Variants in PRDM15 observed in about 807,000 individuals in gnomAD.
PRDM15 encodes PR/SET domain 15.
A neutral mutation model predicts 128.6 loss-of-function variants in PRDM15; 64 were observed. The observed-to-expected ratio is 0.50, with a 90% CI of 0.41 to 0.61. The LOEUF is 0.61. PRDM15 is among the 20% of genes least tolerant of loss of function. The pLI is 0.00. For missense variants in PRDM15, 1,242 were observed against 1,569.1 expected, an observed-to-expected ratio of 0.79 and a Z score of 3.52; for synonymous variants, 615 against 621.8, an observed-to-expected ratio of 0.99 and a Z score of 0.16.
At chr21:41,807,142 G>A (rs532981689) in intron 21 of PRDM15, among the ~76,000 whole-genome samples, 3 of 152,152 alleles carry the variant, frequency 2.0e-5, no homozygotes, top group South Asian at 2.1e-4. Context: ...GAAAGCTGAC[G>A]CCATCAAAGA....
intron 13 of PRDM15, 21 bp downstream of exon 13, chr21:41,825,939 G>A (rs368823310): frequency 4.5e-5 from 71 of 1,570,166 alleles, no homozygotes; most frequent in African/African-American, 5.4e-5. Context: ...CTCAGCGTCC[G>A]ACGTGGACTG....
At chr21:41,819,199 T>C (rs1367107074) in intron 18 of PRDM15, among the ~76,000 whole-genome samples, 2 of 152,252 alleles carry the variant, frequency 1.3e-5, no homozygotes, top group Non-Finnish European at 2.9e-5. Context: ...CTGAAGCCTA[T>C]GGGCTTCCAG....
At position 41,810,947 on chromosome 21, in the gene PRDM15, G is replaced by A; in HGVS notation, c.2393-111C>T. On this transcript the variant is annotated intron_variant, in intron 19 of 23. Coordinates refer to ENST00000398548, the MANE Select transcript of PRDM15 (RefSeq NM_001040424.3). The surrounding 1 kb of genome is among the most constrained non-coding windows in gnomAD (Gnocchi z 6.4). ...AGGCACTGTAGGGCCTTCAGGAGAA[G>A]GTGAATTGCAAGAAGACAGCAGACA... 1 of 874,998 alleles carries A rather than the reference G, an allele frequency of 1.1e-6. No homozygotes were observed. Among genetic ancestry groups the A allele is most frequent in the Non-Finnish European group, 1.9e-6 (1 of 536,032 alleles). The allele number at this position is 874,998 out of a possible 1,614,324, so 54.2% of individuals were successfully genotyped here. A position where few individuals can be genotyped will look rare whatever the true frequency, so the allele number is the denominator to read the frequency against.
At chr21:41,856,350 T>C (rs891784291) in intron 4 of PRDM15, among the ~76,000 whole-genome samples, 1 of 147,066 alleles carries the variant, frequency 6.8e-6, no homozygotes, top group Non-Finnish European at 1.5e-5. Context: ...TCCCCCCTTT[T>C]TGCTGAAATC....
chr21:41,823,119 C>G (rs1055850863), intron 14 of PRDM15, 199 bp downstream of exon 14: 1 of 678,942 alleles, frequency 1.5e-6, no homozygotes, highest in African/African-American at 1.8e-5. Flanking sequence ...GAGAAGGCGC[C>G]GTCTACGAAC....
At chr21:41,802,988 C>G (rs2061457502) in intron 22 of PRDM15, 67 bp from the exon 23 acceptor site, 1 of 1,240,818 alleles carries the variant, frequency 8.1e-7, no homozygotes, top group East Asian at 2.3e-5. Flanking sequence ...GCCAGGGCAG[C>G]CCCAGCACTG....
At chr21:41,852,574 T>C (rs2063463032) in intron 5 of PRDM15, among the ~76,000 whole-genome samples, 1 of 152,260 alleles carries the variant, frequency 6.6e-6, no homozygotes, top group Non-Finnish European at 1.5e-5. Context: ...AAGTTCTTTT[T>C]GTCCTTTTCA....
intron 6 of PRDM15, among the ~76,000 whole-genome samples, chr21:41,846,058 A>G (rs1438190900): frequency 6.6e-6 from 1 of 152,182 alleles, no homozygotes; most frequent in Admixed American, 6.5e-5. Flanking sequence ...CATTAAAGCC[A>G]AGATGAGTAG....
Position 41,838,029 on chromosome 21 carries a change from C to T in PRDM15, c.906G>A (p.Pro302=), listed in dbSNP as rs76107411. The T allele has an allele frequency of 0.033, 52,938 of 1,614,038 alleles. 1,023 individuals carry two copies. Among genetic ancestry groups the T allele is most frequent in the African/African-American group, 0.067 (5,039 of 75,028 alleles). ...QVAEIITEVP[P]DEPVSATPDE... is the part of the protein sequence containing the mutation. ...CTGGCGTTGCACTCACAGGCTCATC[C>T]GGAGGGACCTCGGTAATGATCTCTG... The change falls in exon 8 of 24, where the codon CCG becomes CCA. Residue 302 remains proline, a synonymous_variant. Transcript: ENST00000398548.
chr21:41,803,042 C>T, intron 22 of PRDM15, 121 bp from the exon 23 acceptor site: 1 of 756,234 alleles, frequency 1.3e-6, no homozygotes, highest in Non-Finnish European at 2.3e-6. Context: ...TGTGGGCCAC[C>T]GAGCTGCCAC....
At chr21:41,841,546 C>A (rs2063073995) in intron 6 of PRDM15, among the ~76,000 whole-genome samples, 2 of 150,740 alleles carry the variant, frequency 1.3e-5, no homozygotes, top group Middle Eastern at 3.2e-3. Context: ...ACAAAGGGAA[C>A]TAAAGTTAAA....
chr21:41,860,442 T>C (rs1231446649), intron 1 of PRDM15, 70 bp from the exon 2 acceptor site: 1 of 1,366,896 alleles, frequency 7.3e-7, no homozygotes, highest in East Asian at 2.3e-5. Context: ...GTTTTTGAAA[T>C]TGAGCTCCCT....
rs140527978 is a variant in PRDM15, at chr21:41,854,439, C to T, written c.538+127G>A. ...CCCGACTCTCCACTCCTCCACTCTC[C>T]GCATCCCAGCAGCTGGCCCAGCCCA... On this transcript the variant is annotated intron_variant, in intron 5 of 23. Coordinates refer to ENST00000398548, the MANE Select transcript of PRDM15 (RefSeq NM_001040424.3). The surrounding 1 kb of genome is among the most constrained non-coding windows in gnomAD (Gnocchi z 4.6). 1,202 of 1,226,858 alleles carry T rather than the reference C, an allele frequency of 9.8e-4. No homozygotes were observed. The highest frequency in any genetic ancestry group is 2.8e-3 in the Middle Eastern group (10 of 3,628). The allele number at this position is 1,226,858 out of a possible 1,614,324, so 76.0% of individuals were successfully genotyped here.
intron 18 of PRDM15, among the ~76,000 whole-genome samples, chr21:41,816,687 T>C (rs780223308): frequency 1.3e-5 from 2 of 152,038 alleles, no homozygotes; most frequent in Non-Finnish European, 2.9e-5. Flanking sequence ...CTGCCAGAAT[T>C]CTAAAGGCCG....
chr21:41,825,321 CGTGTTTGCTGGAT>C (rs2062430551), intron 13 of PRDM15, among the ~76,000 whole-genome samples: 1 of 152,264 alleles, frequency 6.6e-6, no homozygotes, highest in Non-Finnish European at 1.5e-5. Flanking sequence ...GGACGCGCAG[CGTGTTTGCTGGAT>C]GTTTAGGATC....
rs946553656 is a variant in PRDM15 at position 41,828,828 on chromosome 21, C to T, written c.1367-495G>A. Among the ~76,000 whole-genome samples, 14 of 152,032 alleles carry T rather than the reference C, an allele frequency of 9.2e-5. No homozygotes were observed. Among genetic ancestry groups the T allele is most frequent in the Admixed American group, 3.3e-4 (5 of 15,270 alleles). On this transcript the variant is annotated intron_variant, in intron 11 of 23. Coordinates refer to ENST00000398548, the MANE Select transcript of PRDM15 (RefSeq NM_001040424.3). The surrounding 1 kb of genome is among the most constrained non-coding windows in gnomAD (Gnocchi z 5.7). ...TGTTGGCCCCTCCCAACTCCTTCCC[C>T]GTGGGCGGGCATCAATGTGCCCATA...
intron 6 of PRDM15, among the ~76,000 whole-genome samples, chr21:41,844,892 T>C (rs1039837074): frequency 2.0e-4 from 3 of 15,276 alleles, no homozygotes; most frequent in Admixed American, 8.4e-4. Context: ...ACACAGCCCC[T>C]CCCCCTCACA....
intron 13 of PRDM15, 113 bp downstream of exon 13, chr21:41,825,847 C>T (rs926796766): frequency 5.8e-5 from 48 of 828,322 alleles, no homozygotes; most frequent in Non-Finnish European, 7.9e-5. Context: ...GAGCACCCAT[C>T]GTTACCCCCC....
At chr21:41,806,558 T>C (rs1195721906) in intron 21 of PRDM15, among the ~76,000 whole-genome samples, 5 of 3,974 alleles carry the variant, frequency 1.3e-3, no homozygotes, top group Non-Finnish European at 2.2e-3. Context: ...ATCACCACCA[T>C]CACCATCACC....
Sources: allele counts gnomAD v4.1 joint callset (sites outside exome capture counted in the v4.1 genomes callset), GRCh38; gene constraint gnomAD v4.1.1; non-coding constraint Gnocchi (gnomAD v3.1); transcripts MANE v1.5; gene names NCBI Gene and HGNC (gene_info 2026-07-23, HGNC 2026-07-21).